The following ARL15 variants were observed in gnomAD, a reference collection of about 807,000 sequenced individuals.
ARL15 encodes ARF like GTPase 15.
A neutral mutation model predicts 25.2 loss-of-function variants in ARL15; 19 were observed. That is an observed-to-expected ratio of 0.75 (90% CI 0.53 to 1.10). The LOEUF is 1.10. ARL15 is among the 50% of genes least tolerant of loss of function. The pLI is 0.00. For missense variants in ARL15, 220 were observed against 246.0 expected (o/e 0.89, Z 0.71); for synonymous variants, 94 against 86.8 (o/e 1.08, Z -0.46).
chr5:54,143,018 C>A (rs1197543513), intron 3 of ARL15, among the ~76,000 whole-genome samples: 2 of 151,882 alleles, frequency 1.3e-5, no homozygotes, highest in Non-Finnish European at 2.9e-5. Context: ...TGGATATTAA[C>A]CAGAAAACAC....
chr5:53,918,020 A>G (rs539868629), intron 4 of ARL15, among the ~76,000 whole-genome samples: 2 of 152,294 alleles, frequency 1.3e-5, no homozygotes, highest in East Asian at 1.9e-4. Flanking sequence ...CATACGACAT[A>G]TGCAATAAGA....
chr5:54,176,194 G>A (rs1476955677), intron 1 of ARL15, among the ~76,000 whole-genome samples: 1 of 152,140 alleles, frequency 6.6e-6, no homozygotes, highest in Non-Finnish European at 1.5e-5. Flanking sequence ...GAACTTAATG[G>A]CTAGATTGAT....
intron 4 of ARL15, chr5:54,067,292 T>C (rs1404460587): frequency 6.6e-6 from 1 of 152,270 alleles, no homozygotes. Flanking sequence ...ATCTGCATCA[T>C]TATGATAAAA....
rs77946048 is a variant in ARL15, at chr5:54,209,250, T to C, written c.49-37322A>G. ...CCTCAATTTCCAAAGCAGAAGCCAATAGACAATGCCTAAACCTGAAAAATC... is the reference window on the plus strand; with the variant it reads ...CCTCAATTTCCAAAGCAGAAGCCAACAGACAATGCCTAAACCTGAAAAATC... On this transcript the variant is annotated intron_variant, in intron 1 of 4. Transcript: ENST00000504924. 2.5e-3 allele frequency among the ~76,000 whole-genome samples: 384 copies of C among 151,942 alleles called. 2 individuals are homozygous for C. The highest frequency in any genetic ancestry group is 8.7e-3 in the African/African-American group (362 of 41,414).
intron 1 of ARL15, among the ~76,000 whole-genome samples, chr5:54,289,100 T>C (rs1758256316): frequency 6.6e-6 from 1 of 152,194 alleles, no homozygotes; most frequent in Admixed American, 6.5e-5. Context: ...GTGGCAAGTG[T>C]AGCATAGATC....
At chr5:54,067,490 A>G (rs952522432) in intron 4 of ARL15, among the ~76,000 whole-genome samples, 2 of 152,168 alleles carry the variant, frequency 1.3e-5, no homozygotes, top group African/African-American at 4.8e-5. Flanking sequence ...TTCTTCATTT[A>G]TTCAGTTACA....
At chr5:53,947,221 T>TGTCTG (rs57259252) in intron 4 of ARL15, among the ~76,000 whole-genome samples, 1 of 114,810 alleles carries the variant, frequency 8.7e-6, no homozygotes, top group Non-Finnish European at 1.9e-5. Flanking sequence ...TGTGTGTGTG[T>TGTCTG]TGAGGGCTGG....
chr5:54,186,461 G>C (rs1406393740), intron 1 of ARL15, among the ~76,000 whole-genome samples: 1 of 152,158 alleles, frequency 6.6e-6, no homozygotes, highest in Admixed American at 6.5e-5. Context: ...TTATTTAAAG[G>C]TGTGCTTTAT....
chr5:53,946,356 A>G (rs1055992910), intron 4 of ARL15, among the ~76,000 whole-genome samples: 4 of 147,646 alleles, frequency 2.7e-5, no homozygotes, highest in Admixed American at 2.1e-4. Flanking sequence ...AGGCTGAGGC[A>G]GGAGAACTGC....
intron 4 of ARL15, among the ~76,000 whole-genome samples, chr5:54,020,757 G>T (rs1175968511): frequency 2.0e-5 from 3 of 149,994 alleles, no homozygotes; most frequent in African/African-American, 4.9e-5. Flanking sequence ...GACCAGCCTG[G>T]CCAACATGGT....
chr5:54,207,368 T>C (rs144358686), intron 1 of ARL15, among the ~76,000 whole-genome samples: 1 of 152,312 alleles, frequency 6.6e-6, no homozygotes, highest in Non-Finnish European at 1.5e-5. Context: ...GTTACAAGCA[T>C]CTAAACACAG....
chr5:54,013,475 G>A (rs1201654191), intron 4 of ARL15, among the ~76,000 whole-genome samples: 2 of 152,134 alleles, frequency 1.3e-5, no homozygotes, highest in Non-Finnish European at 2.9e-5. Flanking sequence ...CACTTTCCTT[G>A]TTCAGGGACT....
chr5:53,918,239 G>A (rs780660426), intron 4 of ARL15, among the ~76,000 whole-genome samples: 89 of 152,234 alleles, frequency 5.8e-4, no homozygotes, highest in African/African-American at 1.3e-3. Flanking sequence ...AGGCTGGAGC[G>A]CAGTGGTGTG....
At chr5:54,240,518 T>C (rs182280320) in intron 1 of ARL15, among the ~76,000 whole-genome samples, 87 of 152,148 alleles carry the variant, frequency 5.7e-4, no homozygotes, top group Middle Eastern at 3.4e-3. Flanking sequence ...AAAGATTGTG[T>C]TGCCTAACAT....
rs142010064 is a variant in ARL15 at position 54,171,799 on chromosome 5, C to T, written c.178G>A (p.Val60Ile). The change falls in exon 2 of 5, where the codon GTC becomes ATC. Residue 60 changes from valine to isoleucine, a missense_variant. Coordinates refer to ENST00000504924, the MANE Select transcript of ARL15 (RefSeq NM_019087.3). ...SKLCSESPDN[V>I]VSTTGFSIKA... ...CAGTACCCACCTGTGGTCGACACGACGTTATCGGGGCTTTCACTGCAGAGT... is the reference window on the plus strand; with the variant it reads ...CAGTACCCACCTGTGGTCGACACGATGTTATCGGGGCTTTCACTGCAGAGT... The T allele has an allele frequency of 6.0e-5, 96 of 1,612,774 alleles. No homozygotes were observed. The highest frequency in any genetic ancestry group is 5.2e-4 in the South Asian group (47 of 90,864).
At chr5:54,104,131 G>A (rs1752519482) in intron 4 of ARL15, among the ~76,000 whole-genome samples, 1 of 152,144 alleles carries the variant, frequency 6.6e-6, no homozygotes, top group South Asian at 2.1e-4. Flanking sequence ...TTGCTGAACT[G>A]AAGGCATTGT....
intron 4 of ARL15, among the ~76,000 whole-genome samples, chr5:53,991,946 A>T (rs1017031134): frequency 1.3e-5 from 2 of 152,266 alleles, no homozygotes; most frequent in Non-Finnish European, 2.9e-5. Flanking sequence ...TTTTTATTTC[A>T]TTCTTAACCA....
chr5:54,163,355 GCTTTTTTTTTTTTTTTTTTTTTTT>G (rs1399894310), intron 2 of ARL15, among the ~76,000 whole-genome samples: 2 of 51,346 alleles, frequency 3.9e-5, no homozygotes, highest in Non-Finnish European at 7.1e-5. Context: ...TTGGTATGAA[GCTTTTTTTTTTTTTTTTTTTTTTT>G]TTTTTTTTTT....
chr5:54,059,851 T>A (rs530551598), intron 4 of ARL15, among the ~76,000 whole-genome samples: 5 of 152,274 alleles, frequency 3.3e-5, no homozygotes, highest in Admixed American at 1.3e-4. Flanking sequence ...AATGCTTGTA[T>A]TTCATATTCT....
Sources: gnomAD v4.1 joint callset for allele counts (sites outside exome capture counted in the v4.1 genomes callset) on GRCh38, gnomAD v4.1.1 for gene constraint, MANE v1.5 for transcripts, NCBI Gene and HGNC (gene_info 2026-07-23, HGNC 2026-07-21) for gene names.